SESTD1: variants seen among roughly 807,000 people sequenced by gnomAD.
SESTD1 encodes the protein SEC14 domain and spectrin repeat-containing protein 1.
SESTD1 carries 43 observed loss-of-function variants against 101.7 expected under a neutral mutation model. The ratio of observed to expected loss-of-function variants is 0.42; its 90% CI spans 0.33 to 0.55. SESTD1 has a LOEUF of 0.55. SESTD1 is among the 20% of genes least tolerant of loss of function. The probability of loss-of-function intolerance (pLI) is 0.07; values close to 1 mark genes in which losing one functional copy is unlikely to be tolerated. For missense variants in SESTD1, 647 were observed against 815.1 expected (o/e 0.79, Z 2.51); for synonymous variants, 283 against 286.8 (o/e 0.99, Z 0.13).
rs969528877 is a variant in SESTD1, at chr2:179,128,633, G to A, written c.972+3671C>T. On this transcript the variant is annotated intron_variant, in intron 10 of 17. Transcript: ENST00000428443. ...AATCCCAGCTACTCTGGAGGCTGAG[G>A]CAGGAGAATCGCTTGAACCTGGGAG... 1.3e-5 allele frequency among the ~76,000 whole-genome samples: 2 copies of A among 151,642 alleles called. 1 individual carries two copies. The highest frequency in any genetic ancestry group is 2.9e-5 in the Non-Finnish European group (2 of 67,968).
chr2:179,164,407 G>C (rs2045798007), intron 5 of SESTD1, among the ~76,000 whole-genome samples: 1 of 152,136 alleles, frequency 6.6e-6, no homozygotes, highest in Admixed American at 6.5e-5. Context: ...GACAAAAAAG[G>C]AGAGTGGAGA....
At chr2:179,227,673 G>A (rs2046908763) in intron 1 of SESTD1, among the ~76,000 whole-genome samples, 2 of 152,166 alleles carry the variant, frequency 1.3e-5, no homozygotes, top group African/African-American at 4.8e-5. Context: ...AAGTCTCACT[G>A]CTTTTAGTAC....
At chr2:179,181,812 G>T (rs937777444) in intron 3 of SESTD1, among the ~76,000 whole-genome samples, 1 of 152,088 alleles carries the variant, frequency 6.6e-6, no homozygotes, top group Non-Finnish European at 1.5e-5. Flanking sequence ...CTAAAAAGCA[G>T]TTTGTTATCT....
At chr2:179,174,942 TAA>T (rs71401720) in intron 4 of SESTD1, among the ~76,000 whole-genome samples, 86,470 of 130,574 alleles carry the variant, frequency 0.66, 27,599 homozygotes, top group East Asian at 0.81. Flanking sequence ...GTCCCTGATA[TAA>T]AAAAAAAAAA....
intron 1 of SESTD1, among the ~76,000 whole-genome samples, chr2:179,222,187 T>C (rs1559149763): frequency 6.6e-6 from 1 of 152,210 alleles, no homozygotes; most frequent in Non-Finnish European, 1.5e-5. Context: ...CTCTCTACTA[T>C]GGGATTCTGT....
intron 3 of SESTD1, among the ~76,000 whole-genome samples, chr2:179,181,792 CCATGGTTACCTAAAAAG>C (rs996271531): frequency 1.3e-5 from 2 of 152,004 alleles, no homozygotes; most frequent in Non-Finnish European, 2.9e-5. Flanking sequence ...GTCTGGCTAA[CCATGGTTACCTAAAAAG>C]CAGTTTGTTA....
intron 16 of SESTD1, among the ~76,000 whole-genome samples, chr2:179,114,394 A>G (rs1243372535): frequency 6.6e-6 from 1 of 152,214 alleles, no homozygotes; most frequent in Non-Finnish European, 1.5e-5. Flanking sequence ...ATTGTAAGAG[A>G]TCAAAACAAA....
intron 5 of SESTD1, among the ~76,000 whole-genome samples, chr2:179,165,796 T>C (rs1043654483): frequency 1.3e-5 from 2 of 152,132 alleles, no homozygotes; most frequent in African/African-American, 4.8e-5. Flanking sequence ...GTCTACATAA[T>C]AGTCAAGTCT....
chr2:179,118,097 A>G (rs2044673232), intron 13 of SESTD1, among the ~76,000 whole-genome samples: 1 of 152,118 alleles, frequency 6.6e-6, no homozygotes, highest in African/African-American at 2.4e-5. Context: ...CAGCCTCCCA[A>G]GTAGCTAAGA....
intron 9 of SESTD1, 107 bp downstream of exon 9, chr2:179,143,484 TG>T: frequency 1.2e-6 from 1 of 814,988 alleles, no homozygotes; most frequent in African/African-American, 1.8e-5. Context: ...TCCAGTTTGA[TG>T]TGTTCTAAGG....
chr2:179,137,873 A>C (rs2045187320), intron 9 of SESTD1, among the ~76,000 whole-genome samples: 1 of 152,200 alleles, frequency 6.6e-6, no homozygotes, highest in Admixed American at 6.5e-5. Context: ...TTAAACAAGC[A>C]AAAAAATTTT....
At chr2:179,131,340 ATTAC>A (rs1249844401) in intron 10 of SESTD1, among the ~76,000 whole-genome samples, 2 of 152,200 alleles carry the variant, frequency 1.3e-5, no homozygotes, top group Non-Finnish European at 2.9e-5. Flanking sequence ...AGCAAACCAT[ATTAC>A]TTATTCTTTA....
intron 1 of SESTD1, among the ~76,000 whole-genome samples, chr2:179,197,417 T>C (rs932736056): frequency 1.3e-5 from 2 of 152,152 alleles, no homozygotes; most frequent in African/African-American, 4.8e-5. Flanking sequence ...TTCCCCAATC[T>C]AGCAAGGCAG....
chr2:179,183,999 A>C (rs867326924), intron 2 of SESTD1, among the ~76,000 whole-genome samples: 1 of 152,090 alleles, frequency 6.6e-6, no homozygotes, highest in Non-Finnish European at 1.5e-5. Flanking sequence ...TTAACTCACA[A>C]AGGTCAGACA....
intron 13 of SESTD1, among the ~76,000 whole-genome samples, chr2:179,119,705 A>C (rs953896980): frequency 6.6e-6 from 1 of 152,200 alleles, no homozygotes; most frequent in South Asian, 2.1e-4. Context: ...TCATGGGGGC[A>C]CATATCCCCC....
chr2:179,151,261 C>G lies in SESTD1; in HGVS notation c.483+17G>C, dbSNP rs778300870. On this transcript the variant is annotated intron_variant, in intron 6 of 17. Transcript: ENST00000428443. ...ATTTCTATGCAATAACATTTTATCT[C>G]ATTGTAATATACCAACCAGCCTCTT... is the stretch of plus-strand genomic sequence containing the variant. 2 of 1,469,988 alleles carry G rather than the reference C, an allele frequency of 1.4e-6. No individual in the cohort carries two copies. Among genetic ancestry groups the G allele is most frequent in the Admixed American group, 4.2e-5 (2 of 47,560 alleles). The allele number at this position is 1,469,988 out of a possible 1,614,324, so 91.1% of individuals were successfully genotyped here. A position where few individuals can be genotyped will look rare whatever the true frequency, so the allele number is the denominator to read the frequency against.
intron 1 of SESTD1, among the ~76,000 whole-genome samples, chr2:179,199,895 AT>A (rs1475120804): frequency 6.6e-6 from 1 of 152,174 alleles, no homozygotes; most frequent in Non-Finnish European, 1.5e-5. Context: ...CACCACTCCT[AT>A]TCAACATAGT....
At chr2:179,178,061 G>C (rs1419746111) in intron 3 of SESTD1, among the ~76,000 whole-genome samples, 2 of 152,186 alleles carry the variant, frequency 1.3e-5, no homozygotes, top group African/African-American at 4.8e-5. Flanking sequence ...TGGAGAGTGA[G>C]TGCCAATGGG....
At chr2:179,209,122 CAA>C (rs2046621939) in intron 1 of SESTD1, among the ~76,000 whole-genome samples, 1 of 134,514 alleles carries the variant, frequency 7.4e-6, no homozygotes, top group Non-Finnish European at 1.6e-5. Context: ...TTTAAAAAGA[CAA>C]AGAGGGGCAT....
Sources: allele counts gnomAD v4.1 joint callset (sites outside exome capture counted in the v4.1 genomes callset), GRCh38; gene constraint gnomAD v4.1.1; transcripts MANE v1.5; gene names NCBI Gene and HGNC (gene_info 2026-07-23, HGNC 2026-07-21).